Variants in ZHX3 observed in about 807,000 individuals in gnomAD.
ZHX3 encodes the protein zinc fingers and homeoboxes protein 3.
ZHX3 carries 20 observed loss-of-function variants against 64.5 expected under a neutral mutation model. The observed-to-expected ratio is 0.31, with a 90% CI of 0.22 to 0.45. The LOEUF is 0.45. ZHX3 is among the 20% of genes least tolerant of loss of function. The pLI is 1.00. For missense variants in ZHX3, 1,041 were observed against 1,195.8 expected, an observed-to-expected ratio of 0.87 and a Z score of 1.91; for synonymous variants, 423 against 461.6, an observed-to-expected ratio of 0.92 and a Z score of 1.07.
chr20:41,267,069 A>T (rs2042898997), intron 2 of ZHX3, among the ~76,000 whole-genome samples: 2 of 141,828 alleles, frequency 1.4e-5, no homozygotes, highest in Non-Finnish European at 3.0e-5. Context: ...CTGGTCTTGA[A>T]CTCCTGACCT....
chr20:41,296,574 C>G (rs777962384), intron 1 of ZHX3, among the ~76,000 whole-genome samples: 1 of 152,234 alleles, frequency 6.6e-6, no homozygotes, highest in African/African-American at 2.4e-5. Context: ...CTGCCACACA[C>G]GTGCACATGA....
intron 1 of ZHX3, among the ~76,000 whole-genome samples, chr20:41,295,418 C>T (rs1356267991): frequency 6.6e-6 from 1 of 152,084 alleles, no homozygotes; most frequent in Admixed American, 6.5e-5. Context: ...ACAATACAAA[C>T]TTGTATAATT....
rs967926401 is a variant in ZHX3 at position 41,201,369 on chromosome 20, C to A, written c.2860+688G>T. On this transcript the variant is annotated intron_variant, in intron 3 of 3. Transcript: ENST00000683867. The surrounding 1 kb of genome is among the most constrained non-coding windows in gnomAD (Gnocchi z 5.0). ...AAGGAGGGAAGGGAGAGGCTGGGAA[C>A]TCAGTGACCAGGAACCTAGAAAATC... 8.4e-6 allele frequency: 11 copies of A among 1,304,578 alleles called. No homozygotes were observed. The highest frequency in any genetic ancestry group is 9.1e-6 in the Non-Finnish European group (9 of 989,078). The allele number at this position is 1,304,578 out of a possible 1,614,324, so 80.8% of individuals were successfully genotyped here.
At position 41,219,190 on chromosome 20, in the gene ZHX3, A is replaced by G. The variant is rs145940253; in HGVS notation, c.-150-14124T>C. Among the ~76,000 whole-genome samples, 257 of 152,052 alleles carry G rather than the reference A, an allele frequency of 1.7e-3. No individual in the cohort carries two copies. Among genetic ancestry groups the G allele is most frequent in the African/African-American group, 6.0e-3 (250 of 41,470 alleles). On this transcript the variant is annotated intron_variant, in intron 2 of 3. Transcript: ENST00000683867. The surrounding 1 kb of genome is among the most constrained non-coding windows in gnomAD (Gnocchi z 5.0). ...GTGATCCACACGCCTCCGCCTCCCA[A>G]AGTGCTGGGATTACAAGCGTCAGCC...
At chr20:41,252,784 G>A (rs190992925) in intron 2 of ZHX3, among the ~76,000 whole-genome samples, 7 of 152,234 alleles carry the variant, frequency 4.6e-5, no homozygotes, top group Admixed American at 3.9e-4. Context: ...CCCTATTAGA[G>A]GTTTATAATT....
intron 2 of ZHX3, among the ~76,000 whole-genome samples, chr20:41,256,708 G>A (rs2042271820): frequency 6.6e-6 from 1 of 151,074 alleles, no homozygotes; most frequent in South Asian, 2.1e-4. Flanking sequence ...TTCACGGACA[G>A]AGCCAGGTGT....
At chr20:41,302,988 A>T (rs936601703) in intron 1 of ZHX3, among the ~76,000 whole-genome samples, 7 of 152,274 alleles carry the variant, frequency 4.6e-5, no homozygotes, top group Non-Finnish European at 1.0e-4. Context: ...TGGAGCTAGG[A>T]TTAGGCATAG....
chr20:41,308,446 A>T (rs895925964), intron 1 of ZHX3, among the ~76,000 whole-genome samples: 6 of 152,248 alleles, frequency 3.9e-5, no homozygotes, highest in Non-Finnish European at 8.8e-5. Context: ...AAGAAATGGA[A>T]CACATGATTG....
Position 41,201,153 on chromosome 20 carries a change from C to T in ZHX3, c.2860+904G>A. The T allele has an allele frequency of 1.9e-6, 1 of 534,018 alleles. No individual in the cohort carries two copies. Among genetic ancestry groups the T allele is most frequent in the Non-Finnish European group, 2.8e-6 (1 of 354,340 alleles). 33.1% of individuals were successfully genotyped at this position (534,018 alleles called of 1,614,324 possible). A position where few individuals can be genotyped will look rare whatever the true frequency, so the allele number is the denominator to read the frequency against. On this transcript the variant is annotated intron_variant, in intron 3 of 3. Coordinates refer to ENST00000683867, the MANE Select transcript of ZHX3 (RefSeq NM_001384317.1). This position sits in a 1 kb window ranked among gnomAD's most constrained non-coding sequence, Gnocchi z 5.0. ...GCTCATGCCAAAGTCACCACGGAACCATCACATTGCCCAACACCACAAATA... is the reference window on the plus strand; with the variant it reads ...GCTCATGCCAAAGTCACCACGGAACTATCACATTGCCCAACACCACAAATA...
Position 41,202,180 on chromosome 20 carries a change from G to A in ZHX3, c.2737C>T (p.His913Tyr). 4 of 1,614,154 alleles carry A rather than the reference G, an allele frequency of 2.5e-6. No individual in the cohort carries two copies. The highest frequency in any genetic ancestry group is 3.4e-6 in the Non-Finnish European group (4 of 1,180,022). ...GAATAGGTGTCACCCATCCCTTTGT[G>A]AACTGCTGTGAGCTCACCAGTACCA... ...GPGTGELTAV[H>Y]KGMGDTYSEV... The change falls in exon 3 of 4, where the codon CAC (histidine) becomes TAC (tyrosine). Residue 913 changes from histidine to tyrosine, a missense_variant. By Grantham distance (83) the His-to-Tyr change is moderately conservative. Transcript: ENST00000683867. The surrounding 1 kb of genome is among the most constrained non-coding windows in gnomAD (Gnocchi z 7.0).
rs2036165764 is a variant in ZHX3 at position 41,179,443 on chromosome 20, T to C, written c.*5748A>G. On this transcript the variant is annotated 3_prime_UTR_variant, in exon 4 of 4. Coordinates refer to ENST00000683867, the MANE Select transcript of ZHX3 (RefSeq NM_001384317.1). The surrounding 1 kb of genome is among the most constrained non-coding windows in gnomAD (Gnocchi z 4.3). ...ACTGCAAGAACGAGACCAAACAGTA[T>C]GGGCAGGAACCAGGGATGAGTGACA... The C allele has an allele frequency of 6.6e-6, 1 of 152,138 alleles. No individual in the cohort carries two copies. Among genetic ancestry groups the C allele is most frequent in the African/African-American group, 2.4e-5 (1 of 41,406 alleles). 9.4% of individuals were successfully genotyped at this position (152,138 alleles called of 1,614,324 possible).
At chr20:41,258,603 G>T (rs1874017751) in intron 2 of ZHX3, among the ~76,000 whole-genome samples, 1 of 152,106 alleles carries the variant, frequency 6.6e-6, no homozygotes, top group African/African-American at 2.4e-5. Context: ...GTTTTCTCAT[G>T]ATTACTCTGA....
At chr20:41,193,762 A>G (rs1341605794) in intron 3 of ZHX3, among the ~76,000 whole-genome samples, 5 of 150,096 alleles carry the variant, frequency 3.3e-5, no homozygotes, top group South Asian at 2.1e-4. Flanking sequence ...GCTGGAGTGC[A>G]GTGGCATGAT....
rs2040145371 is a variant in ZHX3, at chr20:41,224,587, T to G, written c.-150-19521A>C. ...AACCAAAAACTGAGCTAGATACAAG[T>G]TCTATTCTCCCCCTCACAGAGGAGG... On this transcript the variant is annotated intron_variant, in intron 2 of 3. Coordinates refer to ENST00000683867, the MANE Select transcript of ZHX3 (RefSeq NM_001384317.1). This position sits in a 1 kb window ranked among gnomAD's most constrained non-coding sequence, Gnocchi z 5.2. 2.0e-5 allele frequency among the ~76,000 whole-genome samples: 3 copies of G among 152,108 alleles called. No homozygotes were observed. The highest frequency in any genetic ancestry group is 2.0e-4 in the Admixed American group (3 of 15,260).
chr20:41,246,900 A>T (rs944243922), intron 2 of ZHX3, among the ~76,000 whole-genome samples: 1 of 151,352 alleles, frequency 6.6e-6, no homozygotes, highest in African/African-American at 2.4e-5. Flanking sequence ...AAACAAACAA[A>T]CAAACAAAAA....
Position 41,179,075 on chromosome 20 carries a change from G to A in ZHX3, c.*6116C>T, listed in dbSNP as rs1332303713. 6.6e-6 allele frequency: 1 copy of A among 152,562 alleles called. No individual in the cohort carries two copies. Among genetic ancestry groups the A allele is most frequent in the Non-Finnish European group, 1.5e-5 (1 of 68,076 alleles). The allele number at this position is 152,562 out of a possible 1,614,324, so 9.5% of individuals were successfully genotyped here. On this transcript the variant is annotated 3_prime_UTR_variant, in exon 4 of 4. Coordinates refer to ENST00000683867, the MANE Select transcript of ZHX3 (RefSeq NM_001384317.1). This position sits in a 1 kb window ranked among gnomAD's most constrained non-coding sequence, Gnocchi z 4.3. ...AAACCAGGAATCAAGACCTTGTCAG[G>A]AGGCATCTACAGGCCTTTGGCAACC... is the stretch of plus-strand genomic sequence containing the variant.
chr20:41,296,131 G>T (rs1481386177), intron 1 of ZHX3, among the ~76,000 whole-genome samples: 2 of 148,774 alleles, frequency 1.3e-5, no homozygotes, highest in Non-Finnish European at 3.0e-5. Context: ...TAAATTTCTG[G>T]AGTCTATTTT....
intron 2 of ZHX3, among the ~76,000 whole-genome samples, chr20:41,258,469 A>C (rs1351311688): frequency 6.6e-6 from 1 of 152,104 alleles, no homozygotes; most frequent in Non-Finnish European, 1.5e-5. Context: ...GTTGTTATTT[A>C]TCCTTAGTCT....
intron 1 of ZHX3, chr20:41,316,919 G>C (rs1233739253): frequency 6.6e-6 from 1 of 152,292 alleles, no homozygotes; most frequent in African/African-American, 2.4e-5. Flanking sequence ...CGCGTGGGCA[G>C]ACAAGGGTCC....
Sources: allele counts gnomAD v4.1 joint callset (sites outside exome capture counted in the v4.1 genomes callset), GRCh38; gene constraint gnomAD v4.1.1; non-coding constraint Gnocchi (gnomAD v3.1); transcripts MANE v1.5; gene names NCBI Gene and HGNC (gene_info 2026-07-23, HGNC 2026-07-21).